EDARADD: variants seen among roughly 807,000 people sequenced by gnomAD.
EDARADD encodes the protein EDAR associated via death domain, also known as ectodysplasin-A receptor-associated adapter protein.
Under a neutral mutation model 25.6 loss-of-function variants are expected in EDARADD, and 20 were observed. That is an observed-to-expected ratio of 0.78 (90% CI 0.55 to 1.14). The LOEUF (loss-of-function observed/expected upper bound fraction) is 1.14, where lower values mean the gene tolerates loss of function less well. Ranked by LOEUF, EDARADD falls within the 50% of genes most tolerant of loss-of-function variation. The pLI is 0.00. For missense variants in EDARADD, 225 were observed against 270.1 expected (o/e 0.83, Z 1.17); for synonymous variants, 86 against 94.4 (o/e 0.91, Z 0.52).
At chr1:236,384,778 C>A (rs958359878) in intron 3 of EDARADD, among the ~76,000 whole-genome samples, 4 of 152,132 alleles carry the variant, frequency 2.6e-5, no homozygotes, top group African/African-American at 9.7e-5. Flanking sequence ...TCAAGCAATT[C>A]CTGGACCTTC....
intron 4 of EDARADD, among the ~76,000 whole-genome samples, chr1:236,441,773 A>C (rs1454459027): frequency 6.6e-6 from 1 of 151,850 alleles, no homozygotes; most frequent in African/African-American, 2.4e-5. Context: ...CAAGTAATCC[A>C]CCTGTCTCGG....
At chr1:236,455,898 T>C (rs1174518706) in intron 4 of EDARADD, among the ~76,000 whole-genome samples, 3 of 152,118 alleles carry the variant, frequency 2.0e-5, no homozygotes, top group African/African-American at 7.2e-5. Context: ...CACGCCATTC[T>C]CCTGCCTCAG....
intron 2 of EDARADD, among the ~76,000 whole-genome samples, chr1:236,409,813 C>T (rs1042500331): frequency 6.6e-6 from 1 of 152,036 alleles, no homozygotes; most frequent in African/African-American, 2.4e-5. Flanking sequence ...ATCTGCCACC[C>T]TCGGCCTCCC....
At chr1:236,447,113 T>G (rs1324777708) in intron 4 of EDARADD, among the ~76,000 whole-genome samples, 1 of 152,054 alleles carries the variant, frequency 6.6e-6, no homozygotes, top group African/African-American at 2.4e-5. Flanking sequence ...TTTTCTTTCT[T>G]CCTTCCTTCC....
chr1:236,381,821 T>TTTTTTTTTTTTTTA, intron 3 of EDARADD, among the ~76,000 whole-genome samples: 1 of 141,990 alleles, frequency 7.0e-6, no homozygotes, highest in Admixed American at 7.2e-5. Context: ...TTTTTTTTTT[T>TTTTTTTTTTTTTTA]TTTTCAGAGT....
chr1:236,468,167 G>T, intron 4 of EDARADD, 64 bp from the exon 5 acceptor site: 1 of 1,517,584 alleles, frequency 6.6e-7, no homozygotes, highest in African/African-American at 1.4e-5. Flanking sequence ...TAAGTTGGAA[G>T]ATTGATAATA....
chr1:236,382,397 C>A (rs1667311913), intron 3 of EDARADD, among the ~76,000 whole-genome samples: 1 of 152,136 alleles, frequency 6.6e-6, no homozygotes. Flanking sequence ...ACTACAGTTA[C>A]AATAAAAGTT....
At chr1:236,447,122 CCTCT>C (rs1181773871) in intron 4 of EDARADD, among the ~76,000 whole-genome samples, 33 of 151,250 alleles carry the variant, frequency 2.2e-4, no homozygotes, top group East Asian at 7.8e-4. Context: ...TTCCTTCCTT[CCTCT>C]CTCTCTCTCT....
At chr1:236,408,796 C>T (rs1218383130) in intron 1 of EDARADD, among the ~76,000 whole-genome samples, 2 of 152,106 alleles carry the variant, frequency 1.3e-5, no homozygotes, top group African/African-American at 2.4e-5. Flanking sequence ...CTCTGTCTCC[C>T]AGGCTGGAGT....
upstream of EDARADD, among the ~76,000 whole-genome samples, chr1:236,391,735 T>C (rs780362956): frequency 1.2e-4 from 18 of 152,232 alleles, no homozygotes; most frequent in South Asian, 2.1e-4. Context: ...TATTCTGTGA[T>C]GAATCAAACA....
chr1:236,395,168 G>C lies in EDARADD; in HGVS notation c.61+663G>C, dbSNP rs1667490630. ...GTAGGGAGCCAGGAAAGCGACCCGC[G>C]ACTGCAGCCGTTTCTTAAGGCCAGT... On this transcript the variant is annotated intron_variant, in intron 1 of 5. Coordinates refer to ENST00000334232, the MANE Select transcript of EDARADD (RefSeq NM_145861.4). The surrounding 1 kb of genome is among the most constrained non-coding windows in gnomAD (Gnocchi z 6.9). 6.6e-6 allele frequency among the ~76,000 whole-genome samples: 1 copy of C among 152,220 alleles called. No homozygotes were observed. The highest frequency in any genetic ancestry group is 2.1e-4 in the South Asian group (1 of 4,836).
At chr1:236,472,424 T>TG (rs1288697022) in intron 5 of EDARADD, among the ~76,000 whole-genome samples, 2 of 152,050 alleles carry the variant, frequency 1.3e-5, no homozygotes, top group East Asian at 3.9e-4. Context: ...TCTCCGAGGG[T>TG]GGGACCACAC....
At chr1:236,410,098 A>G (rs1405593437) in intron 2 of EDARADD, among the ~76,000 whole-genome samples, 1 of 151,932 alleles carries the variant, frequency 6.6e-6, no homozygotes, top group African/African-American at 2.4e-5. Context: ...TATTATTATC[A>G]TTTTAATTTC....
Position 236,395,585 on chromosome 1 carries a change from C to T in EDARADD, c.61+1080C>T, listed in dbSNP as rs1321085788. 1 of 1,547,242 alleles carries T rather than the reference C, an allele frequency of 6.5e-7. No individual in the cohort carries two copies. The highest frequency in any genetic ancestry group is 8.7e-7 in the Non-Finnish European group (1 of 1,148,386). On this transcript the variant is annotated intron_variant, in intron 1 of 5. Coordinates refer to ENST00000334232, the MANE Select transcript of EDARADD (RefSeq NM_145861.4). This position sits in a 1 kb window ranked among gnomAD's most constrained non-coding sequence, Gnocchi z 6.9. ...CCACGGTCCTCCCGCGCCCCGGAGG[C>T]CTGCCAGCCCCGCTCGGACGCTCGT...
At chr1:236,401,973 T>A (rs1355031144) in intron 1 of EDARADD, among the ~76,000 whole-genome samples, 1 of 152,154 alleles carries the variant, frequency 6.6e-6, no homozygotes, top group Non-Finnish European at 1.5e-5. Flanking sequence ...ACTTCTATTT[T>A]ATTTTGAGAC....
chr1:236,444,354 A>T (rs1658477518), intron 4 of EDARADD, among the ~76,000 whole-genome samples: 1 of 152,160 alleles, frequency 6.6e-6, no homozygotes, highest in South Asian at 2.1e-4. Context: ...CACTTTACAC[A>T]TCGAGATCCA....
At position 236,478,500 on chromosome 1, in the gene EDARADD, A is replaced by G. The variant is rs1180056708; in HGVS notation, c.266-3767A>G. 2.6e-5 allele frequency among the ~76,000 whole-genome samples: 4 copies of G among 151,494 alleles called. No individual in the cohort carries two copies. The East Asian group carries it at 5.8e-4, about 22-fold the overall frequency. ...TATATGTGTATATATGTATATATATATGATGGAATACTATTTAGCCATAAA... is the reference window on the plus strand; with the variant it reads ...TATATGTGTATATATGTATATATATGTGATGGAATACTATTTAGCCATAAA... On this transcript the variant is annotated intron_variant, in intron 5 of 5. Coordinates refer to ENST00000334232, the MANE Select transcript of EDARADD (RefSeq NM_145861.4).
At chr1:236,399,775 C>T (rs974782651) in intron 1 of EDARADD, among the ~76,000 whole-genome samples, 1 of 152,230 alleles carries the variant, frequency 6.6e-6, no homozygotes, top group African/African-American at 2.4e-5. Flanking sequence ...TGCTTCGTTG[C>T]AGTAAGGCAA....
chr1:236,410,938 G>A (rs985258499), intron 2 of EDARADD, among the ~76,000 whole-genome samples: 1 of 152,082 alleles, frequency 6.6e-6, no homozygotes, highest in Admixed American at 6.5e-5. Context: ...AAAATGGAAC[G>A]AAGAACAACC....
Sources: allele counts gnomAD v4.1 joint callset (sites outside exome capture counted in the v4.1 genomes callset), GRCh38; gene constraint gnomAD v4.1.1; non-coding constraint Gnocchi (gnomAD v3.1); transcripts MANE v1.5; gene names NCBI Gene and HGNC (gene_info 2026-07-23, HGNC 2026-07-21).